WDR41: variants seen among roughly 807,000 people sequenced by gnomAD.
WDR41 encodes the protein WD repeat domain 41.
Under a neutral mutation model 69.3 loss-of-function variants are expected in WDR41, and 63 were observed. The observed-to-expected ratio is 0.91, with a 90% confidence interval of 0.74 to 1.12. The LOEUF (loss-of-function observed/expected upper bound fraction) is 1.12, where lower values mean the gene tolerates loss of function less well. WDR41 is among the 50% of genes most tolerant of loss of function. WDR41 has a pLI of 0.00. For synonymous variants in WDR41, 185 were observed against 192.1 expected (o/e 0.96, Z 0.31); for missense variants, 543 against 534.5 (o/e 1.02, Z -0.16).
intron 1 of WDR41, among the ~76,000 whole-genome samples, chr5:77,549,247 A>G (rs1419102147): frequency 6.6e-6 from 1 of 152,186 alleles, no homozygotes; most frequent in Admixed American, 6.5e-5. Flanking sequence ...TTACTCATGT[A>G]ACAAATATTA....
intron 1 of WDR41, among the ~76,000 whole-genome samples, chr5:77,514,643 A>T (rs1802267194): frequency 6.6e-6 from 1 of 152,184 alleles, no homozygotes. Flanking sequence ...TGATAGCGAC[A>T]CATTCTGAGA....
intron 1 of WDR41, among the ~76,000 whole-genome samples, chr5:77,612,820 A>T (rs1744590158): frequency 6.6e-6 from 1 of 150,576 alleles, no homozygotes; most frequent in African/African-American, 2.4e-5. Context: ...AAGGAAATAA[A>T]GGGTATTCAA....
intron 6 of WDR41, among the ~76,000 whole-genome samples, chr5:77,453,204 G>A (rs957870819): frequency 3.9e-5 from 6 of 152,000 alleles, no homozygotes; most frequent in African/African-American, 1.5e-4. Context: ...GTTCCTTCTA[G>A]GATACCCAGG....
In WDR41 at chr5:77,489,444, T is replaced by C. The variant is rs1265466407; in HGVS notation, c.167+13A>G. ...CCCAAACAATAGTCAATTAGACCAC[T>C]ATAGCTTCTTACCTGTAGTCATCTA... On this transcript the variant is annotated intron_variant, in intron 2 of 12. Coordinates refer to ENST00000296679, the MANE Select transcript of WDR41 (RefSeq NM_018268.4). 6.5e-7 allele frequency: 1 copy of C among 1,532,130 alleles called. No individual in the cohort carries two copies. Among genetic ancestry groups the C allele is most frequent in the South Asian group, 1.2e-5 (1 of 82,284 alleles). 94.9% of individuals were successfully genotyped at this position (1,532,130 alleles called of 1,614,324 possible). A position where few individuals can be genotyped will look rare whatever the true frequency, so the allele number is the denominator to read the frequency against.
intron 1 of WDR41, among the ~76,000 whole-genome samples, chr5:77,509,972 G>A (rs1802173462): frequency 6.6e-6 from 1 of 152,100 alleles, no homozygotes; most frequent in Non-Finnish European, 1.5e-5. Context: ...AACCTCTTAA[G>A]AAACTTCCCC....
At chr5:77,573,349 C>T (rs764974168) in intron 1 of WDR41, among the ~76,000 whole-genome samples, 4 of 151,898 alleles carry the variant, frequency 2.6e-5, no homozygotes, top group Non-Finnish European at 5.9e-5. Context: ...ATACATGTGC[C>T]GTGGTGGTTT....
rs1176137364 is a variant in WDR41 at position 77,588,795 on chromosome 5, A to T, written c.42+31684T>A. 3.3e-5 allele frequency among the ~76,000 whole-genome samples: 5 copies of T among 150,834 alleles called. 1 individual carries two copies. The South Asian group carries it at 8.3e-4, about 25-fold the overall frequency. Reference sequence around the variant, plus strand: ...CTTGTTTTATGTGTGTTTTTGTTTTAAAAAAAATCTTTAATATTATTGTTG... The same window carrying T: ...CTTGTTTTATGTGTGTTTTTGTTTTTAAAAAAATCTTTAATATTATTGTTG... On this transcript the variant is annotated intron_variant, in intron 1 of 5. Coordinates refer to the WDR41 transcript ENST00000509971.
In WDR41 at chr5:77,470,487, T is replaced by C. The variant is rs535814599; in HGVS notation, c.168-5678A>G. Among the ~76,000 whole-genome samples, 433 of 152,052 alleles carry C rather than the reference T, an allele frequency of 2.8e-3. 4 individuals carry two copies. The highest frequency in any genetic ancestry group is 0.01 in the African/African-American group (419 of 41,454). ...CAATTAAAAGACACAGACTGGCAAA[T>C]TGGATAAAGAGTCAAGACCCATCAG... On this transcript the variant is annotated intron_variant, in intron 2 of 12. Coordinates refer to ENST00000296679, the MANE Select transcript of WDR41 (RefSeq NM_018268.4).
chr5:77,613,965 C>G (rs1744621579), intron 1 of WDR41, among the ~76,000 whole-genome samples: 2 of 152,108 alleles, frequency 1.3e-5, no homozygotes, highest in South Asian at 4.1e-4. Context: ...AACAAACAAC[C>G]CTATCAACAA....
At chr5:77,536,221 T>G (rs1742979818) in intron 1 of WDR41, among the ~76,000 whole-genome samples, 1 of 152,120 alleles carries the variant, frequency 6.6e-6, no homozygotes, top group Non-Finnish European at 1.5e-5. Context: ...GATGATTAAT[T>G]AGTCATTTAA....
intron 1 of WDR41, chr5:77,545,797 G>T (rs1009986129): frequency 4.9e-6 from 5 of 1,018,276 alleles, no homozygotes; most frequent in African/African-American, 1.6e-5. Flanking sequence ...GTCGGTCTGG[G>T]TGTTAAGTGC....
chr5:77,483,753 G>A (rs1801394025), intron 2 of WDR41, among the ~76,000 whole-genome samples: 1 of 152,114 alleles, frequency 6.6e-6, no homozygotes, highest in Non-Finnish European at 1.5e-5. Flanking sequence ...CCAAGACACA[G>A]TTTATATAAG....
chr5:77,464,102 C>T (rs1335863155), intron 3 of WDR41, among the ~76,000 whole-genome samples: 2 of 151,800 alleles, frequency 1.3e-5, no homozygotes, highest in Non-Finnish European at 2.9e-5. Flanking sequence ...TTACATTATG[C>T]TATTACGCAA....
chr5:77,605,455 A>G (rs1167021119), intron 1 of WDR41, among the ~76,000 whole-genome samples: 2 of 152,202 alleles, frequency 1.3e-5, no homozygotes, highest in Admixed American at 1.3e-4. Context: ...GAAGTTGCCC[A>G]ATATCAAATC....
intron 8 of WDR41, among the ~76,000 whole-genome samples, chr5:77,443,760 T>C (rs987891916): frequency 1.3e-5 from 2 of 152,070 alleles, no homozygotes; most frequent in African/African-American, 4.8e-5. Context: ...ATGCAGCTGC[T>C]TGCTCTGACT....
intron 1 of WDR41, among the ~76,000 whole-genome samples, chr5:77,611,857 G>A (rs1473254571): frequency 1.3e-5 from 2 of 151,978 alleles, no homozygotes; most frequent in South Asian, 2.1e-4. Flanking sequence ...CCAGGAGCTG[G>A]TTTTTTGAAA....
intron 1 of WDR41, among the ~76,000 whole-genome samples, chr5:77,579,546 C>T (rs114026257): frequency 0.02 from 3,026 of 152,052 alleles, 91 homozygotes; most frequent in African/African-American, 0.066. Flanking sequence ...AAAAAACCAC[C>T]CTGTCAAACA....
At chr5:77,616,956 A>G (rs1361760567) in intron 1 of WDR41, among the ~76,000 whole-genome samples, 1 of 152,210 alleles carries the variant, frequency 6.6e-6, no homozygotes, top group Non-Finnish European at 1.5e-5. Context: ...GACTAGGCCA[A>G]GTTCCTACTT....
At chr5:77,521,115 A>G (rs114737636) in intron 1 of WDR41, among the ~76,000 whole-genome samples, 1,638 of 149,712 alleles carry the variant, frequency 0.011, 32 homozygotes, top group African/African-American at 0.038. Context: ...GCAGTCCCCA[A>G]CCTTTTTGGC....
Sources: allele counts gnomAD v4.1 joint callset (sites outside exome capture counted in the v4.1 genomes callset), GRCh38; gene constraint gnomAD v4.1.1; transcripts MANE v1.5; gene names NCBI Gene and HGNC (gene_info 2026-07-23, HGNC 2026-07-21).